Variants in DCDC1 observed in about 807,000 individuals in gnomAD.
The protein encoded by DCDC1 is doublecortin domain containing 1, also known as doublecortin domain-containing protein 1.
Under a neutral mutation model 178.3 loss-of-function variants are expected in DCDC1, and 200 were observed. That is an observed-to-expected ratio of 1.12 (90% confidence interval 1.00 to 1.26). DCDC1 has a LOEUF of 1.26. Among genes scored for constraint, DCDC1 ranks in the 50% most tolerant of loss-of-function variants. The probability of loss-of-function intolerance (pLI) is 0.00; values close to 1 mark genes in which losing one functional copy is unlikely to be tolerated. For missense variants in DCDC1, 1,983 were observed against 1,749.2 expected (o/e 1.13, Z -2.38); for synonymous variants, 690 against 604.8 (o/e 1.14, Z -2.07).
intron 1 of DCDC1, among the ~76,000 whole-genome samples, chr11:31,352,171 C>G (rs1054072405): frequency 6.6e-6 from 1 of 152,036 alleles, no homozygotes; most frequent in Admixed American, 6.6e-5. Context: ...GAGTGACAAA[C>G]GTAAGGTAAC....
intron 8 of DCDC1, chr11:31,263,145 C>G: frequency 6.7e-7 from 1 of 1,496,240 alleles, no homozygotes; most frequent in Non-Finnish European, 9.2e-7. Context: ...ATAAATCTTT[C>G]ATCTTAACGA....
At chr11:31,056,501 C>G (rs1271056091) in intron 20 of DCDC1, among the ~76,000 whole-genome samples, 2 of 152,012 alleles carry the variant, frequency 1.3e-5, no homozygotes, top group African/African-American at 4.8e-5. Flanking sequence ...CAAAATTTAT[C>G]ATGCAAACAC....
At chr11:31,119,512 A>G (rs1175182833) in intron 11 of DCDC1, among the ~76,000 whole-genome samples, 1 of 152,202 alleles carries the variant, frequency 6.6e-6, no homozygotes, top group East Asian at 1.9e-4. Flanking sequence ...GGAATGTACA[A>G]TGGAAATAAC....
At chr11:31,158,452 T>C (rs928638853) in intron 9 of DCDC1, among the ~76,000 whole-genome samples, 1 of 152,176 alleles carries the variant, frequency 6.6e-6, no homozygotes, top group Non-Finnish European at 1.5e-5. Context: ...GGTCACCATG[T>C]TGTACAATAG....
At chr11:30,870,370 G>A (rs1233298835) in intron 38 of DCDC1, among the ~76,000 whole-genome samples, 1 of 152,058 alleles carries the variant, frequency 6.6e-6, no homozygotes, top group Non-Finnish European at 1.5e-5. Context: ...AGAGAATAAC[G>A]ACTATTTCCA....
chr11:31,297,747 A>G (rs886256430), intron 6 of DCDC1, among the ~76,000 whole-genome samples: 1 of 152,272 alleles, frequency 6.6e-6, no homozygotes, highest in Non-Finnish European at 1.5e-5. Context: ...GGCTGAGGCT[A>G]TCTGGTACCT....
Position 30,884,806 on chromosome 11 carries a change from A to G in DCDC1, c.5083-3498T>C, listed in dbSNP as rs370411527. Among the ~76,000 whole-genome samples, 14 of 152,212 alleles carry G rather than the reference A, an allele frequency of 9.2e-5. No individual in the cohort carries two copies. The East Asian group carries it at 2.3e-3, about 25-fold the overall frequency. On this transcript the variant is annotated intron_variant, in intron 36 of 38. Transcript: ENST00000684477. ...ATTTTAGTATATGTAAAAAAATACA[A>G]AAATAAAAGAATACCACAGCCTAGT... is the stretch of plus-strand genomic sequence containing the variant.
intron 20 of DCDC1, among the ~76,000 whole-genome samples, chr11:31,049,710 A>G (rs1955108223): frequency 6.6e-6 from 1 of 152,056 alleles, no homozygotes; most frequent in African/African-American, 2.4e-5. Context: ...GGAAAGGGAG[A>G]CCCTCCTCTC....
chr11:31,308,716 C>T (rs1337488052), intron 3 of DCDC1, among the ~76,000 whole-genome samples: 1 of 151,968 alleles, frequency 6.6e-6, no homozygotes, highest in Non-Finnish European at 1.5e-5. Flanking sequence ...ATATAGACAC[C>T]AAGTTGGGAA....
chr11:31,209,352 A>T (rs928054188), intron 9 of DCDC1, among the ~76,000 whole-genome samples: 5 of 152,224 alleles, frequency 3.3e-5, no homozygotes, highest in African/African-American at 1.2e-4. Flanking sequence ...AACACAAGGA[A>T]TAGTCTGAGA....
intron 8 of DCDC1, among the ~76,000 whole-genome samples, chr11:31,263,377 C>T (rs1392647972): frequency 6.6e-6 from 1 of 152,060 alleles, no homozygotes; most frequent in Admixed American, 6.6e-5. Context: ...AAGAAATCAA[C>T]ATTAATAATG....
intron 1 of DCDC1, among the ~76,000 whole-genome samples, chr11:31,348,158 A>G (rs960342618): frequency 1.3e-5 from 2 of 152,216 alleles, no homozygotes; most frequent in East Asian, 1.9e-4. Context: ...CCTGTATCTC[A>G]TAACATACTT....
At chr11:31,352,250 T>C (rs1181538717) in intron 1 of DCDC1, among the ~76,000 whole-genome samples, 2 of 152,128 alleles carry the variant, frequency 1.3e-5, no homozygotes, top group South Asian at 2.1e-4. Flanking sequence ...TGGGTAAGGA[T>C]TGACTAGTCT....
intron 20 of DCDC1, among the ~76,000 whole-genome samples, chr11:31,003,530 A>G (rs1334980506): frequency 2.0e-5 from 3 of 152,200 alleles, no homozygotes; most frequent in African/African-American, 7.2e-5. Flanking sequence ...GAGTCAGGGA[A>G]ACATTCCAGG....
intron 36 of DCDC1, among the ~76,000 whole-genome samples, chr11:30,884,033 A>ATTTTTTTTTTTTTTTTTTTTTTTTTTTT (rs59940255): frequency 1.0e-5 from 1 of 95,784 alleles, no homozygotes. Context: ...ATTCTTTCTC[A>ATTTTTTTTTTTTTTTTTTTTTTTTTTTT]TTTTTTTTTT....
chr11:31,028,157 A>G (rs1262044492), intron 20 of DCDC1, among the ~76,000 whole-genome samples: 2 of 152,068 alleles, frequency 1.3e-5, no homozygotes, highest in African/African-American at 4.8e-5. Flanking sequence ...TTTCTAACAC[A>G]GATAAAGTTG....
chr11:30,972,866 T>C (rs291145), intron 20 of DCDC1, among the ~76,000 whole-genome samples: 4,032 of 152,176 alleles, frequency 0.026, 196 homozygotes, highest in African/African-American at 0.093. Flanking sequence ...ATGTTGGAGG[T>C]TGGTCCTGGT....
intron 7 of DCDC1, among the ~76,000 whole-genome samples, chr11:31,267,339 C>T (rs554744700): frequency 7.2e-5 from 11 of 152,042 alleles, no homozygotes; most frequent in East Asian, 3.9e-4. Context: ...TACAGGCATG[C>T]GCCACCACGC....
chr11:31,080,886 A>C (rs376550862), intron 17 of DCDC1, among the ~76,000 whole-genome samples: 30 of 152,358 alleles, frequency 2.0e-4, no homozygotes, highest in African/African-American at 7.0e-4. Context: ...AAAGTATACG[A>C]CATCTGCAAT....
Sources: allele counts gnomAD v4.1 joint callset (sites outside exome capture counted in the v4.1 genomes callset), GRCh38; gene constraint gnomAD v4.1.1; transcripts MANE v1.5; gene names NCBI Gene and HGNC (gene_info 2026-07-23, HGNC 2026-07-21).